Variants in PPM1L observed in about 807,000 individuals in gnomAD.
PPM1L encodes the protein protein phosphatase 1L.
Under a neutral mutation model 31.4 loss-of-function variants are expected in PPM1L, and 13 were observed. The ratio of observed to expected loss-of-function variants is 0.41; its 90% CI spans 0.27 to 0.66. The LOEUF is 0.66. Ranked by LOEUF, PPM1L falls within the 30% of genes least tolerant of loss-of-function variation. The pLI, the probability that PPM1L is intolerant of heterozygous loss-of-function variation, is 0.29. For missense variants in PPM1L, 326 were observed against 453.7 expected, an observed-to-expected ratio of 0.72 and a Z score of 2.56; for synonymous variants, 184 against 175.4, an observed-to-expected ratio of 1.05 and a Z score of -0.39.
rs571710407 is a variant in PPM1L, at chr3:161,039,421, G to T, written c.575-25982G>T. On this transcript the variant is annotated intron_variant, in intron 2 of 3. Coordinates refer to ENST00000498165, the MANE Select transcript of PPM1L (RefSeq NM_139245.4). ...GGTGACTGAATGGGGAAGCAGTAAG[G>T]AGGGGGCGTGTATTTTTTCATCCGA... is the stretch of plus-strand genomic sequence containing the variant. Among the ~76,000 whole-genome samples, 4 of 152,312 alleles carry T rather than the reference G, an allele frequency of 2.6e-5. No homozygotes were observed. In the East Asian group the frequency reaches 7.7e-4, roughly 29 times the overall value.
intron 2 of PPM1L, among the ~76,000 whole-genome samples, chr3:161,032,958 A>C (rs1003653349): frequency 1.4e-5 from 2 of 139,656 alleles, no homozygotes; most frequent in African/African-American, 5.4e-5. Context: ...TGATCCACCC[A>C]CCTCGGGATT....
chr3:160,848,339 TG>T (rs1392352800), intron 1 of PPM1L, among the ~76,000 whole-genome samples: 3 of 152,202 alleles, frequency 2.0e-5, no homozygotes, highest in Non-Finnish European at 4.4e-5. Context: ...CTGCTCTTGC[TG>T]GGTCAACAAC....
At chr3:160,826,660 C>T (rs1462437044) in intron 1 of PPM1L, among the ~76,000 whole-genome samples, 3 of 152,058 alleles carry the variant, frequency 2.0e-5, no homozygotes, top group African/African-American at 7.2e-5. Flanking sequence ...GAAGTGTTAT[C>T]TGCTGTTACC....
intron 1 of PPM1L, among the ~76,000 whole-genome samples, chr3:160,943,895 G>A (rs1458566809): frequency 6.6e-6 from 1 of 152,058 alleles, no homozygotes; most frequent in Non-Finnish European, 1.5e-5. Context: ...AATGTGTTTT[G>A]AAGAAGAATC....
At chr3:161,033,519 G>A (rs1044184418) in intron 2 of PPM1L, among the ~76,000 whole-genome samples, 4 of 151,962 alleles carry the variant, frequency 2.6e-5, no homozygotes, top group Non-Finnish European at 5.9e-5. Flanking sequence ...CAGAACAGAG[G>A]CCTCAGAAAA....
rs190555920 is a variant in PPM1L, at chr3:161,039,755, A to C, written c.575-25648A>C. On this transcript the variant is annotated intron_variant, in intron 2 of 3. Coordinates refer to ENST00000498165, the MANE Select transcript of PPM1L (RefSeq NM_139245.4). ...ATGGTCTCCATCTCCTGACCTCGTG[A>C]TCCGCCCGCCTCGGCCTCCCAAAGT... Among the ~76,000 whole-genome samples, 38 of 152,178 alleles carry C rather than the reference A, an allele frequency of 2.5e-4. No homozygotes were observed. In the East Asian group the frequency reaches 7.0e-3, roughly 28 times the overall value.
At chr3:160,928,884 T>TA (rs201023804) in intron 1 of PPM1L, among the ~76,000 whole-genome samples, 1,842 of 152,262 alleles carry the variant, frequency 0.012, 17 homozygotes, top group Non-Finnish European at 0.021. Flanking sequence ...ATTTGATTTA[T>TA]AAAATGCTCA....
intron 2 of PPM1L, among the ~76,000 whole-genome samples, chr3:161,049,014 G>T (rs1424818020): frequency 2.0e-5 from 3 of 151,322 alleles, no homozygotes; most frequent in Non-Finnish European, 4.4e-5. Flanking sequence ...CACCAACATG[G>T]CACATATATA....
At chr3:161,066,134 T>C (rs4342141) in intron 3 of PPM1L, among the ~76,000 whole-genome samples, 74,931 of 152,078 alleles carry the variant, frequency 0.49, 18,966 homozygotes, top group East Asian at 0.86. Context: ...CTTGCCTTCC[T>C]GTCACCTCTT....
In PPM1L at chr3:160,766,794, A is replaced by G. The variant is rs961928165; in HGVS notation, c.399+10087A>G. 2.7e-5 allele frequency among the ~76,000 whole-genome samples: 4 copies of G among 150,264 alleles called. 1 individual carries two copies. Among genetic ancestry groups the G allele is most frequent in the Admixed American group, 6.6e-5 (1 of 15,156 alleles). The stretch of plus-strand genomic sequence containing the variant: ...CTCTGTTTCTTGATAATAGGGCCCA[A>G]TTGAATGGAACCTTAGCTGCTTCCA... On this transcript the variant is annotated intron_variant, in intron 1 of 3. Coordinates refer to ENST00000498165, the MANE Select transcript of PPM1L (RefSeq NM_139245.4).
At chr3:160,969,613 C>T (rs966403770) in intron 2 of PPM1L, among the ~76,000 whole-genome samples, 4 of 152,186 alleles carry the variant, frequency 2.6e-5, no homozygotes, top group Non-Finnish European at 5.9e-5. Context: ...TCTCAAACAG[C>T]TCCTAAGGGA....
intron 2 of PPM1L, among the ~76,000 whole-genome samples, chr3:161,033,571 G>C (rs1718646214): frequency 1.3e-5 from 2 of 152,172 alleles, no homozygotes; most frequent in South Asian, 2.1e-4. Context: ...TGACAAAGCT[G>C]ACAAAAACAA....
intron 1 of PPM1L, among the ~76,000 whole-genome samples, chr3:160,858,303 A>G (rs149711202): frequency 0.01 from 1,527 of 151,806 alleles, 20 homozygotes; most frequent in African/African-American, 0.035. Context: ...CTGGAGTGCA[A>G]TAGCATGGTC....
intron 1 of PPM1L, among the ~76,000 whole-genome samples, chr3:160,933,416 T>A (rs1714850789): frequency 6.6e-6 from 1 of 152,172 alleles, no homozygotes; most frequent in Admixed American, 6.5e-5. Context: ...AGGGTAAGCA[T>A]AAAGGTATCT....
At chr3:160,814,809 A>C (rs1181769472) in intron 1 of PPM1L, among the ~76,000 whole-genome samples, 1 of 151,836 alleles carries the variant, frequency 6.6e-6, no homozygotes, top group East Asian at 1.9e-4. Context: ...ATACCATGGA[A>C]TACTACTCAG....
intron 2 of PPM1L, among the ~76,000 whole-genome samples, chr3:160,991,375 G>A (rs73875438): frequency 9.2e-4 from 140 of 152,254 alleles, no homozygotes; most frequent in African/African-American, 3.3e-3. Flanking sequence ...AAAGAAAGAT[G>A]GTGATGGTGT....
intron 1 of PPM1L, among the ~76,000 whole-genome samples, chr3:160,833,683 T>G (rs964187800): frequency 6.6e-6 from 1 of 152,098 alleles, no homozygotes; most frequent in African/African-American, 2.4e-5. Flanking sequence ...AGACCTTTGT[T>G]AGGTAGATAG....
At chr3:160,843,426 T>TATATA (rs1713958611) in intron 1 of PPM1L, among the ~76,000 whole-genome samples, 6 of 47,534 alleles carry the variant, frequency 1.3e-4, no homozygotes, top group African/African-American at 4.3e-4. Context: ...GGCAATTCTT[T>TATATA]TATATATATA....
chr3:160,791,260 A>G (rs1253447942), intron 1 of PPM1L, among the ~76,000 whole-genome samples: 1 of 152,182 alleles, frequency 6.6e-6, no homozygotes, highest in Non-Finnish European at 1.5e-5. Context: ...GCTTAGAGTC[A>G]GTCAGATGCA....
Sources: allele counts gnomAD v4.1 joint callset (sites outside exome capture counted in the v4.1 genomes callset), GRCh38; gene constraint gnomAD v4.1.1; transcripts MANE v1.5; gene names NCBI Gene and HGNC (gene_info 2026-07-23, HGNC 2026-07-21).